Variants in SEMA3D observed in about 807,000 individuals in gnomAD.
SEMA3D encodes semaphorin-3D.
Under a neutral mutation model 100.1 loss-of-function variants are expected in SEMA3D, and 84 were observed. The ratio of observed to expected loss-of-function variants is 0.84; its 90% confidence interval spans 0.70 to 1.01. The LOEUF (loss-of-function observed/expected upper bound fraction) is 1.01. Among genes scored for constraint, SEMA3D ranks in the 50% least tolerant of loss-of-function variants. The pLI is 0.00. For missense variants in SEMA3D, 875 were observed against 934.1 expected, an observed-to-expected ratio of 0.94 and a Z score of 0.82; for synonymous variants, 312 against 320.7, an observed-to-expected ratio of 0.97 and a Z score of 0.29.
chr7:85,000,068 C>T, intron 18 of SEMA3D, among the ~76,000 whole-genome samples: 1 of 152,090 alleles, frequency 6.6e-6, no homozygotes, highest in East Asian at 1.9e-4. Flanking sequence ...AAACTATATC[C>T]TTAATTTTTC....
chr7:85,121,965 G>A, intron 2 of SEMA3D, 34 bp from the exon 3 acceptor site: 3 of 1,100,464 alleles, frequency 2.7e-6, no homozygotes, highest in Non-Finnish European at 3.8e-6. Context: ...AACTATTAAG[G>A]TATCAGCAAA....
At position 85,015,057 on chromosome 7, in the gene SEMA3D, A is replaced by C; in HGVS notation, c.1703+2T>G. 1 of 1,609,684 alleles carries C rather than the reference A, an allele frequency of 6.2e-7. No individual in the cohort carries two copies. The highest frequency in any genetic ancestry group is 8.5e-7 in the Non-Finnish European group (1 of 1,176,968). ...TTTATATTAACTCCATGTGCCTCTT[A>C]CCTTTTAGAAGTAGGAGCATATCGA... On this transcript the variant is annotated splice_donor_variant, in intron 16 of 18. Transcript: ENST00000284136. LOFTEE classifies it high-confidence loss of function.
rs888530602 is a variant in SEMA3D, at chr7:85,144,725, T to C, written c.-41+8883A>G. On this transcript the variant is annotated intron_variant, in intron 2 of 18. Coordinates refer to ENST00000284136, the MANE Select transcript of SEMA3D (RefSeq NM_001384900.1). ...TCTTATTTGTTCTCTTCCCCTTGCC[T>C]CTAGTATGATATGTCTGAATGGTGT... 1.2e-5 allele frequency: 12 copies of C among 962,076 alleles called. No individual in the cohort carries two copies. The African/African-American group carries it at 2.1e-4, about 17-fold the overall frequency. 59.6% of individuals were successfully genotyped at this position (962,076 alleles called of 1,614,324 possible). A position where few individuals can be genotyped will look rare whatever the true frequency, so the allele number is the denominator to read the frequency against.
chr7:85,224,500 T>C, the SEMA3D span, among the ~76,000 whole-genome samples: 1 of 152,200 alleles, frequency 6.6e-6, no homozygotes, highest in Admixed American at 6.5e-5. Context: ...ATGGAATTTA[T>C]TACTTTGTAG....
chr7:85,168,893 A>G (rs1791004425), intron 1 of SEMA3D, among the ~76,000 whole-genome samples: 1 of 150,976 alleles, frequency 6.6e-6, no homozygotes, highest in Non-Finnish European at 1.5e-5. Flanking sequence ...AAAGAAAGAA[A>G]AAGAGAAACA....
the SEMA3D span, among the ~76,000 whole-genome samples, chr7:85,214,575 C>T: frequency 1.3e-5 from 2 of 151,960 alleles, no homozygotes; most frequent in Admixed American, 6.6e-5. Flanking sequence ...CGGCTTCCTG[C>T]AACCTCTACC....
At chr7:85,070,873 C>T (rs116247834) in intron 6 of SEMA3D, among the ~76,000 whole-genome samples, 13 of 152,264 alleles carry the variant, frequency 8.5e-5, no homozygotes, top group Non-Finnish European at 1.2e-4. Context: ...CTCCGCCTCC[C>T]GAGTTCAAAC....
At chr7:85,036,269 T>A (rs1202685085) in intron 12 of SEMA3D, among the ~76,000 whole-genome samples, 1 of 152,122 alleles carries the variant, frequency 6.6e-6, no homozygotes, top group Admixed American at 6.6e-5. Flanking sequence ...ACTGCAGTTG[T>A]TTTTTGTTTT....
intron 7 of SEMA3D, among the ~76,000 whole-genome samples, chr7:85,066,913 CAGAGAGAGAGAG>C (rs201123647): frequency 1.6e-5 from 2 of 127,818 alleles, no homozygotes; most frequent in African/African-American, 6.3e-5. Flanking sequence ...CACACACACA[CAGAGAGAGAGAG>C]AGAGAGAGAG....
the SEMA3D span, among the ~76,000 whole-genome samples, chr7:85,213,460 A>G: frequency 2.6e-5 from 4 of 152,028 alleles, 1 homozygote; most frequent in South Asian, 2.1e-4. Context: ...GAAAAAAACT[A>G]CTTTCCAATA....
the SEMA3D span, among the ~76,000 whole-genome samples, chr7:85,231,619 T>C: frequency 3.3e-5 from 5 of 151,816 alleles, no homozygotes; most frequent in African/African-American, 1.2e-4. Context: ...CCCGGCTAAT[T>C]TTTTGTACTT....
rs531545774 is a variant in SEMA3D at position 85,027,624 on chromosome 7, A to G, written c.1192-5011T>C. On this transcript the variant is annotated intron_variant, in intron 12 of 18. Coordinates refer to ENST00000284136, the MANE Select transcript of SEMA3D (RefSeq NM_001384900.1). Reference sequence around the variant, plus strand: ...TTTATTTTACTTTATTTTCTCACTAAAAGGACATATTATATTCAGAAGTAA... The same window carrying G: ...TTTATTTTACTTTATTTTCTCACTAGAAGGACATATTATATTCAGAAGTAA... Among the ~76,000 whole-genome samples, 8 of 152,188 alleles carry G rather than the reference A, an allele frequency of 5.3e-5. No individual in the cohort carries two copies. The South Asian group carries it at 1.2e-3, about 24-fold the overall frequency.
At chr7:85,211,020 T>C in the SEMA3D span, among the ~76,000 whole-genome samples, 284 of 152,096 alleles carry the variant, frequency 1.9e-3, 1 homozygote, top group Non-Finnish European at 3.6e-3. Context: ...TATGATTAAG[T>C]TGGGGAGACA....
At chr7:85,127,600 C>T (rs1283702410) in intron 2 of SEMA3D, among the ~76,000 whole-genome samples, 2 of 152,038 alleles carry the variant, frequency 1.3e-5, no homozygotes, top group African/African-American at 2.4e-5. Context: ...AACAAAGTGC[C>T]TCCAAGGTCT....
chr7:85,098,048 A>G, intron 3 of SEMA3D, 83 bp from the exon 4 acceptor site: 1 of 710,422 alleles, frequency 1.4e-6, no homozygotes, highest in Non-Finnish European at 2.2e-6. Context: ...GAAGAAAGAA[A>G]AAGAAAGGAA....
chr7:85,098,041 GAAAGAA>G, intron 3 of SEMA3D, 76 bp from the exon 4 acceptor site: 2 of 645,672 alleles, frequency 3.1e-6, no homozygotes, highest in Non-Finnish European at 4.6e-6. Context: ...AGAGAAAGAA[GAAAGAA>G]AAAGAAAGGA....
rs780108324 is a variant in SEMA3D at position 85,159,814 on chromosome 7, A to C, written c.-172-6075T>G. On this transcript the variant is annotated intron_variant, in intron 1 of 18. Transcript: ENST00000284136. Reference sequence around the variant, plus strand: ...ACAGCAGGCTATCTAATACCAGTGCATACTCTTTCCTTCACACTGTCCTGC... The same window carrying C: ...ACAGCAGGCTATCTAATACCAGTGCCTACTCTTTCCTTCACACTGTCCTGC... 4.1e-4 allele frequency: 407 copies of C among 983,638 alleles called. 1 individual carries two copies. The highest frequency in any genetic ancestry group is 4.8e-4 in the Non-Finnish European group (401 of 828,464). 60.9% of individuals were successfully genotyped at this position (983,638 alleles called of 1,614,324 possible). A position where few individuals can be genotyped will look rare whatever the true frequency, so the allele number is the denominator to read the frequency against.
intron 5 of SEMA3D, among the ~76,000 whole-genome samples, chr7:85,079,935 A>G (rs1788004785): frequency 6.6e-6 from 1 of 152,178 alleles, no homozygotes; most frequent in African/African-American, 2.4e-5. Context: ...GTGTTGGACT[A>G]TTGAACTGGA....
chr7:85,015,261 T>TA (rs751289152), intron 15 of SEMA3D, 45 bp from the exon 16 acceptor site: 4 of 1,574,386 alleles, frequency 2.5e-6, no homozygotes, highest in Non-Finnish European at 3.5e-6. Context: ...TCTTTCAGAC[T>TA]AGTCTTAAGA....
Sources: gnomAD v4.1 joint callset for allele counts (sites outside exome capture counted in the v4.1 genomes callset) on GRCh38, gnomAD v4.1.1 for gene constraint, MANE v1.5 for transcripts, NCBI Gene and HGNC (gene_info 2026-07-23, HGNC 2026-07-21) for gene names.